FXR1: variants seen among roughly 807,000 people sequenced by gnomAD.
FXR1 encodes FMR1 autosomal homolog 1.
FXR1 carries 15 observed loss-of-function variants against 84.0 expected under a neutral mutation model. That is an observed-to-expected ratio of 0.18 (90% CI 0.12 to 0.27). The LOEUF (loss-of-function observed/expected upper bound fraction) is 0.27, where lower values mean the gene tolerates loss of function less well. Ranked by LOEUF, FXR1 falls within the 10% of genes least tolerant of loss-of-function variation. The pLI is 1.00. For synonymous variants in FXR1, 245 were observed against 250.7 expected, an observed-to-expected ratio of 0.98 and a Z score of 0.21; for missense variants, 480 against 774.4, an observed-to-expected ratio of 0.62 and a Z score of 4.51.
intron 1 of FXR1, among the ~76,000 whole-genome samples, chr3:180,930,496 G>A (rs988623395): frequency 6.6e-6 from 1 of 152,168 alleles, no homozygotes; most frequent in African/African-American, 2.4e-5. Context: ...AATCCACTAT[G>A]AATTATACAG....
At chr3:180,970,414 ATATATAT>A (rs1225929946) in intron 15 of FXR1, 56 bp downstream of exon 15, 7 of 292,870 alleles carry the variant, frequency 2.4e-5, no homozygotes, top group African/African-American at 1.6e-4. Context: ...ATATATATAT[ATATATAT>A]AATTGTAAAC....
At chr3:180,975,888 A>T (rs768333667) in intron 16 of FXR1, among the ~76,000 whole-genome samples, 16 of 152,132 alleles carry the variant, frequency 1.1e-4, no homozygotes, top group Non-Finnish European at 1.6e-4. Context: ...ATTAGTTTAG[A>T]TGTTTTCTGT....
intron 1 of FXR1, among the ~76,000 whole-genome samples, chr3:180,929,974 A>G (rs482840): frequency 0.25 from 38,199 of 152,176 alleles, 6,266 homozygotes; most frequent in African/African-American, 0.45. Context: ...ATAAGAGTAG[A>G]TGCTCAAGGG....
intron 15 of FXR1, among the ~76,000 whole-genome samples, chr3:180,974,548 G>C (rs73046169): frequency 0.024 from 3,645 of 152,266 alleles, 84 homozygotes; most frequent in African/African-American, 0.062. Context: ...TGACAGTAGG[G>C]TGTTAGGTTG....
rs1714534780 is a variant in FXR1, at chr3:180,979,985, T to G, written c.*3693T>G. 1 of 152,094 alleles carries G rather than the reference T, an allele frequency of 6.6e-6. No homozygotes were observed. The highest frequency in any genetic ancestry group is 2.4e-5 in the African/African-American group (1 of 41,436). 9.4% of individuals were successfully genotyped at this position (152,094 alleles called of 1,614,324 possible). On this transcript the variant is annotated 3_prime_UTR_variant, in exon 17 of 17. Coordinates refer to ENST00000357559, the MANE Select transcript of FXR1 (RefSeq NM_005087.4). ...TCCATTTGCTTATTTCTTCCTTTGA[T>G]AATTCAAAAAGATGCTTTAGGTAAT...
intron 3 of FXR1, among the ~76,000 whole-genome samples, chr3:180,939,051 T>C (rs1260669360): frequency 1.3e-5 from 2 of 151,986 alleles, no homozygotes; most frequent in African/African-American, 2.4e-5. Context: ...TGAGCCACAA[T>C]GCCCAGCTAA....
At position 180,935,354 on chromosome 3, in the gene FXR1, G is replaced by C. The variant is rs566527720; in HGVS notation, c.198+123G>C. 1.3e-5 allele frequency: 8 copies of C among 601,256 alleles called. No individual in the cohort carries two copies. The South Asian group carries it at 1.5e-4, about 11-fold the overall frequency. The allele number at this position is 601,256 out of a possible 1,614,324, so 37.2% of individuals were successfully genotyped here. On this transcript the variant is annotated intron_variant, in intron 3 of 16. Coordinates refer to ENST00000357559, the MANE Select transcript of FXR1 (RefSeq NM_005087.4). The stretch of plus-strand genomic sequence containing the variant: ...TTCATTTTCTCTATTCTTTCTATTG[G>C]TGGTAATAGCTGTGTAATACAGCAG...
rs1712336676 is a variant in FXR1, at chr3:180,963,098, A to G, written c.1198+8A>G. ...ATTACACCTCCGGTTATGGTAAAAA[A>G]AAATTTTTTTTTTTTTTTTTTGGTA... On this transcript the variant is annotated splice_region_variant and intron_variant, in intron 13 of 16. Coordinates refer to ENST00000357559, the MANE Select transcript of FXR1 (RefSeq NM_005087.4). The G allele has an allele frequency of 7.4e-7, 1 of 1,345,870 alleles. No homozygotes were observed. Among genetic ancestry groups the G allele is most frequent in the Non-Finnish European group, 1.0e-6 (1 of 963,064 alleles). 83.4% of individuals were successfully genotyped at this position (1,345,870 alleles called of 1,614,324 possible). A position where few individuals can be genotyped will look rare whatever the true frequency, so the allele number is the denominator to read the frequency against.
At chr3:180,919,737 A>G (rs1453338313) in intron 1 of FXR1, among the ~76,000 whole-genome samples, 2 of 151,920 alleles carry the variant, frequency 1.3e-5, no homozygotes, top group Non-Finnish European at 1.5e-5. Context: ...GCAGTGGCGC[A>G]ATCTCAGCTC....
intron 1 of FXR1, among the ~76,000 whole-genome samples, chr3:180,926,497 TATATATA>T (rs1470844842): frequency 3.3e-4 from 40 of 122,160 alleles, no homozygotes; most frequent in Middle Eastern, 4.6e-3. Context: ...TATATATATA[TATATATA>T]TATTTTTTTT....
chr3:180,937,896 A>G (rs1478999808), intron 3 of FXR1, among the ~76,000 whole-genome samples: 1 of 152,084 alleles, frequency 6.6e-6, no homozygotes, highest in Non-Finnish European at 1.5e-5. Context: ...TTGTCCACCC[A>G]CCCTATCTTA....
chr3:180,924,343 T>C (rs969068494), intron 1 of FXR1, among the ~76,000 whole-genome samples: 6 of 152,222 alleles, frequency 3.9e-5, no homozygotes, highest in Non-Finnish European at 5.9e-5. Context: ...ATTCTAGATA[T>C]ATGTGAGAGA....
chr3:180,939,517 G>C (rs1576934388), intron 3 of FXR1, among the ~76,000 whole-genome samples: 1 of 152,128 alleles, frequency 6.6e-6, no homozygotes, highest in South Asian at 2.1e-4. Flanking sequence ...GAGGGAAGGG[G>C]CTTGGAAAGT....
intron 1 of FXR1, among the ~76,000 whole-genome samples, chr3:180,921,464 A>G (rs1805567): frequency 0.17 from 26,052 of 152,082 alleles, 2,468 homozygotes; most frequent in South Asian, 0.25. Context: ...ACAAGTATCT[A>G]GTGATTTGGA....
chr3:180,979,058 A>G lies in FXR1; in HGVS notation c.*2766A>G, dbSNP rs1714474969. ...CACATCAAACTGGTGAGTTCACAGA[A>G]ACTTACCTGAGATGATGCTGGGTTC... On this transcript the variant is annotated 3_prime_UTR_variant, in exon 17 of 17. Coordinates refer to ENST00000357559, the MANE Select transcript of FXR1 (RefSeq NM_005087.4). The G allele has an allele frequency of 6.6e-6, 1 of 152,136 alleles. No homozygotes were observed. Among genetic ancestry groups the G allele is most frequent in the Admixed American group, 6.5e-5 (1 of 15,270 alleles). The allele number at this position is 152,136 out of a possible 1,614,324, so 9.4% of individuals were successfully genotyped here.
chr3:180,921,980 A>G (rs188026102), intron 1 of FXR1, among the ~76,000 whole-genome samples: 3 of 152,316 alleles, frequency 2.0e-5, no homozygotes, highest in Admixed American at 2.0e-4. Context: ...TTACAAGTAT[A>G]GGGTTTTTCA....
At chr3:180,970,383 A>AATAAATAAATATAT (rs1713379006) in intron 15 of FXR1, 25 bp downstream of exon 15, 2 of 366,364 alleles carry the variant, frequency 5.5e-6, no homozygotes, top group African/African-American at 6.1e-5. Flanking sequence ...AGGGAAGAGA[A>AATAAATAAATATAT]ATATATATAT....
chr3:180,967,342 A>G (rs1013850154), intron 13 of FXR1, among the ~76,000 whole-genome samples: 3 of 152,148 alleles, frequency 2.0e-5, no homozygotes, highest in Non-Finnish European at 2.9e-5. Flanking sequence ...AAATATCTTG[A>G]TTTCAGAGAT....
intron 1 of FXR1, among the ~76,000 whole-genome samples, chr3:180,918,179 G>A (rs1052578058): frequency 6.6e-6 from 1 of 152,034 alleles, no homozygotes; most frequent in East Asian, 1.9e-4. Context: ...AGATATTTGT[G>A]TGCCTTCTGT....
Sources: allele counts gnomAD v4.1 joint callset (sites outside exome capture counted in the v4.1 genomes callset), GRCh38; gene constraint gnomAD v4.1.1; transcripts MANE v1.5; gene names NCBI Gene and HGNC (gene_info 2026-07-23, HGNC 2026-07-21).